HFM1: variants seen among roughly 807,000 people sequenced by gnomAD.
HFM1 encodes probable ATP-dependent DNA helicase HFM1.
In HFM1, 169 loss-of-function variants were observed where a neutral mutation model predicts 192.1. That is an observed-to-expected ratio of 0.88 (90% CI 0.78 to 1.00). The LOEUF is 1.00. Among genes scored for constraint, HFM1 ranks in the 50% least tolerant of loss-of-function variants. The probability of loss-of-function intolerance (pLI) is 0.00; values close to 1 mark genes in which losing one functional copy is unlikely to be tolerated. For synonymous variants in HFM1, 525 were observed against 537.8 expected (o/e 0.98, Z 0.33); for missense variants, 1,661 against 1,668.0 (o/e 1.00, Z 0.07).
At chr1:91,365,335 T>C (rs1279312225) in intron 13 of HFM1, among the ~76,000 whole-genome samples, 1 of 152,110 alleles carries the variant, frequency 6.6e-6, no homozygotes, top group Non-Finnish European at 1.5e-5. Flanking sequence ...GGATTAGGGA[T>C]TCTTGTTAAG....
chr1:91,290,050 T>C (rs450030), intron 30 of HFM1, among the ~76,000 whole-genome samples: 151,957 of 152,196 alleles, frequency 1, 75,860 homozygotes, highest in East Asian at 1. Context: ...CTGAAGGAAG[T>C]GCTAAACATG....
chr1:91,392,292 GCACA>G (rs1663095992), intron 4 of HFM1, among the ~76,000 whole-genome samples: 1 of 152,172 alleles, frequency 6.6e-6, no homozygotes, highest in Admixed American at 6.5e-5. Flanking sequence ...AAAGACACGT[GCACA>G]CGTATGTTTA....
At chr1:91,274,689 C>A (rs571113319) in intron 33 of HFM1, 41 bp downstream of exon 33, 2 of 1,004,132 alleles carry the variant, frequency 2.0e-6, no homozygotes, top group African/African-American at 3.2e-5. Context: ...ACAGAGTTTA[C>A]GATAAATATT....
intron 13 of HFM1, among the ~76,000 whole-genome samples, chr1:91,372,462 T>A (rs1376414244): frequency 6.6e-6 from 1 of 152,110 alleles, no homozygotes; most frequent in Non-Finnish European, 1.5e-5. Flanking sequence ...CTGGAAACTA[T>A]CATTCGCAGC....
Position 91,315,921 on chromosome 1 carries a change from T to C in HFM1, c.3034A>G (p.Arg1012Gly). The change falls in exon 28 of 39, where the codon AGA (arginine) becomes GGA (glycine). Residue 1012 changes from arginine (R) to glycine (G), a missense_variant. Transcript: ENST00000370425. ...TTAGTTTGTAGCTGTTCAAAATTTC[T>C]TAATATAACAGTCACTAATATTTCT... ...TAEILVTVIL[R>G]NFEQLQTKRT... 1 of 1,599,982 alleles carries C rather than the reference T, an allele frequency of 6.3e-7. No individual in the cohort carries two copies. The highest frequency in any genetic ancestry group is 1.7e-4 in the Middle Eastern group (1 of 6,020).
At chr1:91,380,718 C>T (rs1411227329) in intron 7 of HFM1, among the ~76,000 whole-genome samples, 194 bp downstream of exon 7, 1 of 152,130 alleles carries the variant, frequency 6.6e-6, no homozygotes, top group Non-Finnish European at 1.5e-5. Flanking sequence ...TTCACCACTG[C>T]ACTCAAATAC....
At chr1:91,280,598 G>A (rs747792612) in intron 30 of HFM1, among the ~76,000 whole-genome samples, 2 of 152,184 alleles carry the variant, frequency 1.3e-5, no homozygotes, top group Non-Finnish European at 2.9e-5. Flanking sequence ...GAAGACCCTC[G>A]ATCTTGCAGA....
At chr1:91,394,446 AG>A in intron 3 of HFM1, 44 bp from the exon 4 acceptor site, 1 of 1,152,114 alleles carries the variant, frequency 8.7e-7, no homozygotes, top group Non-Finnish European at 1.2e-6. Context: ...TCTCCATTAA[AG>A]GAAATTTTCA....
chr1:91,358,181 C>G (rs1487781723), intron 13 of HFM1, among the ~76,000 whole-genome samples: 1 of 151,970 alleles, frequency 6.6e-6, no homozygotes, highest in Non-Finnish European at 1.5e-5. Flanking sequence ...AACCCCATCT[C>G]TACTAAAAAT....
chr1:91,351,677 A>C, intron 16 of HFM1, 34 bp from the exon 17 acceptor site: 1 of 1,153,032 alleles, frequency 8.7e-7, no homozygotes, highest in Non-Finnish European at 1.3e-6. Flanking sequence ...TTAGTGAAGA[A>C]GAGCACATCT....
intron 30 of HFM1, among the ~76,000 whole-genome samples, chr1:91,294,438 T>G (rs903613230): frequency 6.6e-6 from 1 of 152,226 alleles, no homozygotes; most frequent in African/African-American, 2.4e-5. Flanking sequence ...TTCATTCATA[T>G]TGTTGTGTGT....
At chr1:91,275,410 T>C (rs947699787) in intron 32 of HFM1, among the ~76,000 whole-genome samples, 1 of 152,190 alleles carries the variant, frequency 6.6e-6, no homozygotes, top group African/African-American at 2.4e-5. Flanking sequence ...AAATTTCTAC[T>C]TCTCGCTCAG....
intron 13 of HFM1, among the ~76,000 whole-genome samples, chr1:91,358,015 C>T (rs1449729224): frequency 6.6e-6 from 1 of 152,144 alleles, no homozygotes; most frequent in East Asian, 1.9e-4. Flanking sequence ...AATGTCCATA[C>T]TACCCAAAGA....
intron 30 of HFM1, among the ~76,000 whole-genome samples, chr1:91,283,731 TG>T: frequency 6.6e-6 from 1 of 152,290 alleles, no homozygotes; most frequent in East Asian, 1.9e-4. Context: ...AGAAATGTAT[TG>T]AAAGAAAATA....
Position 91,262,325 on chromosome 1 carries a change from G to C in HFM1, c.4154C>G (p.Ser1385Cys), listed in dbSNP as rs190831701. Residue 1385 changes from serine (S) to cysteine (C), a missense_variant, in exon 38 of 39, where the codon TCT becomes TGT. Ser to Cys is a moderately radical substitution (Grantham distance 112). Coordinates refer to ENST00000370425, the MANE Select transcript of HFM1 (RefSeq NM_001017975.6). ...ATTTGAAGAATTTGGGTTTTTTTCAGAGAAAGTAAAGCATTGCTTCTCAAT... is the reference window on the plus strand; with the variant it reads ...ATTTGAAGAATTTGGGTTTTTTTCACAGAAAGTAAAGCATTGCTTCTCAAT... ...PEIEKQCFTFSEKNPNSSNYK... is the reference protein window; with the variant it reads ...PEIEKQCFTFCEKNPNSSNYK... 62 of 1,543,048 alleles carry C rather than the reference G, an allele frequency of 4.0e-5. No individual in the cohort carries two copies. The Admixed American group carries it at 1.2e-3, about 30-fold the overall frequency.
intron 6 of HFM1, among the ~76,000 whole-genome samples, chr1:91,381,196 G>A (rs1331170879): frequency 2.6e-5 from 4 of 152,018 alleles, no homozygotes; most frequent in Admixed American, 2.6e-4. Flanking sequence ...GTTCTTATAG[G>A]GAAATAAGAG....
In HFM1 at chr1:91,394,298, C is replaced by G; in HGVS notation, c.289G>C (p.Asp97His). Residue 97 changes from aspartate (D) to histidine (H), a missense_variant, in exon 4 of 39, where the codon GAT becomes CAT. Coordinates refer to ENST00000370425, the MANE Select transcript of HFM1 (RefSeq NM_001017975.6). Reference protein sequence around the residue: ...TQKFQFAFPSDKYEQDDLNLE... With the variant: ...TQKFQFAFPSHKYEQDDLNLE... ...TTTAGATCATCCTGTTCATATTTAT[C>G]AGAAGGAAAGGCAAACTGGAATTTT... The G allele has an allele frequency of 6.3e-7, 1 of 1,591,490 alleles. No individual in the cohort carries two copies. The highest frequency in any genetic ancestry group is 1.1e-5 in the South Asian group (1 of 90,492).
chr1:91,372,118 G>GCCC (rs1660295355), intron 13 of HFM1, among the ~76,000 whole-genome samples: 1 of 152,174 alleles, frequency 6.6e-6, no homozygotes, highest in South Asian at 2.1e-4. Context: ...GGAGAAATAG[G>GCCC]AACACTTTTA....
intron 25 of HFM1, among the ~76,000 whole-genome samples, chr1:91,317,296 C>T (rs944175468): frequency 5.9e-5 from 9 of 152,138 alleles, no homozygotes; most frequent in South Asian, 2.1e-4. Flanking sequence ...TGCCTGTAAT[C>T]CCAGCTACTC....
Sources: allele counts gnomAD v4.1 joint callset (sites outside exome capture counted in the v4.1 genomes callset), GRCh38; gene constraint gnomAD v4.1.1; transcripts MANE v1.5; gene names NCBI Gene and HGNC (gene_info 2026-07-23, HGNC 2026-07-21).